Variants in FAM178B observed in about 807,000 individuals in gnomAD.
The protein encoded by FAM178B is family with sequence similarity 178 member B, also known as protein FAM178B.
In FAM178B, 82 loss-of-function variants were observed where a neutral mutation model predicts 91.7. The ratio of observed to expected loss-of-function variants is 0.89; its 90% CI spans 0.75 to 1.07. The LOEUF (loss-of-function observed/expected upper bound fraction) is 1.07, where lower values mean the gene tolerates loss of function less well. FAM178B is among the 50% of genes least tolerant of loss of function. The pLI is 0.00. For missense variants in FAM178B, 769 were observed against 846.7 expected (o/e 0.91, Z 1.14); for synonymous variants, 368 against 359.4 (o/e 1.02, Z -0.27).
chr2:96,905,812 ATGTGTG>A (rs142978028), intron 12 of FAM178B, among the ~76,000 whole-genome samples: 2 of 68,506 alleles, frequency 2.9e-5, no homozygotes, highest in African/African-American at 1.9e-4. Flanking sequence ...ATATACATAT[ATGTGTG>A]TATATATATA....
intron 7 of FAM178B, among the ~76,000 whole-genome samples, chr2:96,950,581 C>A (rs1250469127): frequency 6.6e-6 from 1 of 152,172 alleles, no homozygotes; most frequent in African/African-American, 2.4e-5. Context: ...AACTTGTGAC[C>A]CACCTGTCCC....
At chr2:96,971,172 A>G (rs1262673607) in intron 3 of FAM178B, among the ~76,000 whole-genome samples, 2 of 151,708 alleles carry the variant, frequency 1.3e-5, no homozygotes, top group African/African-American at 2.4e-5. Context: ...TATCAAAGCC[A>G]AAGAGCTTCT....
In FAM178B at chr2:96,876,941, G is replaced by A. The variant is rs1190342521; in HGVS notation, c.2008-633C>T. On this transcript the variant is annotated intron_variant, in intron 16 of 16. Coordinates refer to ENST00000490605, the MANE Select transcript of FAM178B (RefSeq NM_001122646.3). The stretch of plus-strand genomic sequence containing the variant: ...GGTTAGGTCAGAGGCTTGGGAGTCA[G>A]GCTGGCTCATGCCCTGATTCTGACA... 3.3e-5 allele frequency among the ~76,000 whole-genome samples: 5 copies of A among 152,128 alleles called. No individual in the cohort carries two copies. In the East Asian group the frequency reaches 9.7e-4, roughly 29 times the overall value.
chr2:96,939,736 A>G (rs1422796078), intron 8 of FAM178B, among the ~76,000 whole-genome samples: 1 of 152,146 alleles, frequency 6.6e-6, no homozygotes, highest in Non-Finnish European at 1.5e-5. Flanking sequence ...CGCATTGCAC[A>G]CACAGTAGGA....
intron 8 of FAM178B, among the ~76,000 whole-genome samples, chr2:96,946,053 T>G (rs578191425): frequency 6.6e-6 from 1 of 152,302 alleles, no homozygotes; most frequent in African/African-American, 2.4e-5. Context: ...TCTCTATGAA[T>G]TTGACTACCC....
At chr2:96,959,772 T>C (rs1220713151) in intron 6 of FAM178B, among the ~76,000 whole-genome samples, 5 of 152,220 alleles carry the variant, frequency 3.3e-5, no homozygotes, top group East Asian at 3.8e-4. Flanking sequence ...ATATAGTCAA[T>C]GGTTACGTGA....
intron 7 of FAM178B, among the ~76,000 whole-genome samples, chr2:96,949,023 C>T (rs1489440474): frequency 3.9e-5 from 6 of 152,166 alleles, no homozygotes; most frequent in African/African-American, 1.4e-4. Flanking sequence ...TTGTAACTTC[C>T]TACAACATTT....
intron 5 of FAM178B, among the ~76,000 whole-genome samples, chr2:96,960,951 G>A (rs755524505): frequency 1.6e-4 from 25 of 152,166 alleles, no homozygotes; most frequent in Non-Finnish European, 3.1e-4. Context: ...GCGGAAGCAG[G>A]AGGGTCTTGA....
At chr2:96,923,606 A>T (rs2081383460) in intron 9 of FAM178B, 23 bp from the exon 10 acceptor site, 1 of 1,539,820 alleles carries the variant, frequency 6.5e-7, no homozygotes, top group South Asian at 1.2e-5. Context: ...AACAACAGTG[A>T]CGATGGGAAA....
intron 8 of FAM178B, among the ~76,000 whole-genome samples, chr2:96,937,888 C>T (rs1243941018): frequency 1.3e-5 from 2 of 151,968 alleles, no homozygotes; most frequent in Admixed American, 6.6e-5. Context: ...ATTAGCCGGG[C>T]GTGGTGGCAC....
chr2:96,940,355 A>G (rs1242510325), intron 8 of FAM178B, among the ~76,000 whole-genome samples: 1 of 152,198 alleles, frequency 6.6e-6, no homozygotes, highest in Non-Finnish European at 1.5e-5. Context: ...CCTCCACTCC[A>G]GGGGCTCTGA....
intron 14 of FAM178B, among the ~76,000 whole-genome samples, chr2:96,885,306 G>A (rs948915632): frequency 6.6e-6 from 1 of 152,244 alleles, no homozygotes. Flanking sequence ...GGCCCAGCAC[G>A]TGCCCACACC....
rs559982332 is a variant in FAM178B at position 96,976,046 on chromosome 2, G to C, written c.74-3440C>G. On this transcript the variant is annotated intron_variant, in intron 1 of 16. Coordinates refer to ENST00000490605, the MANE Select transcript of FAM178B (RefSeq NM_001122646.3). ...TACACATTCTTCCTAAGTACACATG[G>C]AATATTCTTCAGGATAGACCATATG... 8.3e-4 allele frequency among the ~76,000 whole-genome samples: 125 copies of C among 151,422 alleles called. 3 individuals carry two copies. In the South Asian group the frequency reaches 0.021, roughly 25 times the overall value.
intron 6 of FAM178B, among the ~76,000 whole-genome samples, chr2:96,959,199 GAAAA>G (rs57498168): frequency 0.011 from 901 of 81,966 alleles, 16 homozygotes; most frequent in African/African-American, 0.028. Context: ...ACTCAGTTTT[GAAAA>G]AAAAAAAAAA....
At position 96,921,926 on chromosome 2, in the gene FAM178B, G is replaced by T. The variant is rs118011829; in HGVS notation, c.1288-272C>A. 1.0e-3 allele frequency among the ~76,000 whole-genome samples: 152 copies of T among 152,226 alleles called. 3 individuals are homozygous for T. In the East Asian group the frequency reaches 0.029, roughly 29 times the overall value. On this transcript the variant is annotated intron_variant, in intron 10 of 16. Transcript: ENST00000490605. ...AAACAAGGCTGAGACCTACTGGGCTGCATTCCCAGGAGGTTAGGTATTCTT... is the reference window on the plus strand; with the variant it reads ...AAACAAGGCTGAGACCTACTGGGCTTCATTCCCAGGAGGTTAGGTATTCTT...
chr2:96,921,185 T>C lies in FAM178B; in HGVS notation c.1542A>G (p.Pro514=), dbSNP rs2153370851. 1 of 1,551,458 alleles carries C rather than the reference T, an allele frequency of 6.4e-7. No individual in the cohort carries two copies. The highest frequency in any genetic ancestry group is 1.2e-5 in the South Asian group (1 of 84,048). The change falls in exon 12 of 17, where the codon CCA becomes CCG. Residue 514 remains proline (P), a synonymous_variant. Transcript: ENST00000490605. The part of the protein sequence containing the change: ...HNLLALVQFF[P]DMTSRSRRLR... ...CGCACCTGCTCCGGGAGGTCATGTC[T>C]GGGAAGAACTGCACGAGGGCCAGCA...
intron 12 of FAM178B, among the ~76,000 whole-genome samples, chr2:96,917,141 G>C (rs1250375497): frequency 6.6e-6 from 1 of 152,200 alleles, no homozygotes; most frequent in Admixed American, 6.5e-5. Context: ...CGGCCAGCCA[G>C]GTGGCTCTGG....
At chr2:96,966,659 G>A (rs1214421395) in intron 5 of FAM178B, among the ~76,000 whole-genome samples, 2 of 152,172 alleles carry the variant, frequency 1.3e-5, no homozygotes, top group African/African-American at 4.8e-5. Flanking sequence ...GCTTATGTTT[G>A]TGTCCCCCCA....
chr2:96,921,080 G>T, intron 12 of FAM178B, 85 bp downstream of exon 12: 1 of 1,139,194 alleles, frequency 8.8e-7, no homozygotes, highest in Non-Finnish European at 1.3e-6. Context: ...GGTTTGTTGG[G>T]GCTGATGGGG....
Sources: gnomAD v4.1 joint callset for allele counts (sites outside exome capture counted in the v4.1 genomes callset) on GRCh38, gnomAD v4.1.1 for gene constraint, MANE v1.5 for transcripts, NCBI Gene and HGNC (gene_info 2026-07-23, HGNC 2026-07-21) for gene names.